Variants in NRG2 observed in about 807,000 individuals in gnomAD.
The protein encoded by NRG2 is pro-neuregulin-2, membrane-bound isoform.
Under a neutral mutation model 73.9 loss-of-function variants are expected in NRG2, and 27 were observed. That is an observed-to-expected ratio of 0.37 (90% CI 0.27 to 0.50). The LOEUF (loss-of-function observed/expected upper bound fraction) is 0.50. Ranked by LOEUF, NRG2 falls within the 20% of genes least tolerant of loss-of-function variation. The pLI, the probability that NRG2 is intolerant of heterozygous loss-of-function variation, is 0.96. For missense variants in NRG2, 1,126 were observed against 1,210.1 expected (o/e 0.93, Z 1.03); for synonymous variants, 532 against 541.0 (o/e 0.98, Z 0.23).
At chr5:139,931,003 T>C (rs968414289) in intron 1 of NRG2, among the ~76,000 whole-genome samples, 3 of 152,216 alleles carry the variant, frequency 2.0e-5, no homozygotes, top group South Asian at 2.1e-4. Flanking sequence ...TTGAGTGAGA[T>C]AGATCTGAGT....
intron 1 of NRG2, among the ~76,000 whole-genome samples, chr5:139,899,182 GCCCTCT>G (rs2127163227): frequency 6.6e-6 from 1 of 152,316 alleles, no homozygotes; most frequent in South Asian, 2.1e-4. Context: ...GAACTGACAG[GCCCTCT>G]ACAGGGCTCT....
At chr5:139,985,724 C>T (rs1332065737) in intron 1 of NRG2, among the ~76,000 whole-genome samples, 2 of 152,212 alleles carry the variant, frequency 1.3e-5, no homozygotes, top group African/African-American at 4.8e-5. Context: ...CTTGCCCAAG[C>T]AGTGTGAAAG....
At chr5:139,919,340 C>T (rs1751496042) in intron 1 of NRG2, among the ~76,000 whole-genome samples, 1 of 151,970 alleles carries the variant, frequency 6.6e-6, no homozygotes, top group Non-Finnish European at 1.5e-5. Flanking sequence ...TTCAAGGTTT[C>T]CTGAATCCTT....
At chr5:139,981,994 A>G (rs950537927) in intron 1 of NRG2, among the ~76,000 whole-genome samples, 1 of 152,238 alleles carries the variant, frequency 6.6e-6, no homozygotes, top group Non-Finnish European at 1.5e-5. Context: ...AGGCTGTGCC[A>G]GCATAGAGCA....
chr5:139,975,840 T>C (rs1756344789), intron 1 of NRG2, among the ~76,000 whole-genome samples: 1 of 152,232 alleles, frequency 6.6e-6, no homozygotes, highest in South Asian at 2.1e-4. Context: ...TGGTGCTTTC[T>C]AGATACTTGG....
intron 1 of NRG2, among the ~76,000 whole-genome samples, chr5:139,950,703 C>T (rs1044542057): frequency 6.6e-6 from 1 of 152,224 alleles, no homozygotes; most frequent in African/African-American, 2.4e-5. Context: ...CATATCCAAC[C>T]ACAAGGCTCC....
chr5:139,975,770 G>A (rs1756338508), intron 1 of NRG2, among the ~76,000 whole-genome samples: 1 of 152,166 alleles, frequency 6.6e-6, no homozygotes, highest in South Asian at 2.1e-4. Flanking sequence ...CCCTACCTCT[G>A]CCTCAGTCCA....
At chr5:139,964,286 T>C (rs1003133439) in intron 1 of NRG2, among the ~76,000 whole-genome samples, 5 of 152,182 alleles carry the variant, frequency 3.3e-5, no homozygotes, top group African/African-American at 1.2e-4. Flanking sequence ...TGGGACTTTA[T>C]GTATCTCCTT....
At chr5:139,999,389 G>A (rs761841479) in intron 1 of NRG2, among the ~76,000 whole-genome samples, 5 of 152,220 alleles carry the variant, frequency 3.3e-5, no homozygotes, top group African/African-American at 1.2e-4. Context: ...AGGTTCTATG[G>A]TGACTTAGCA....
In NRG2 at chr5:139,973,249, G is replaced by A. The variant is rs560537149; in HGVS notation, c.700+69121C>T. Reference sequence around the variant, plus strand: ...ACTAAATTTCTAATAATAAATAATTGATAAAATAAATTATGGTTGTATTTA... The same window carrying A: ...ACTAAATTTCTAATAATAAATAATTAATAAAATAAATTATGGTTGTATTTA... On this transcript the variant is annotated intron_variant, in intron 1 of 9. Coordinates refer to ENST00000361474, the MANE Select transcript of NRG2 (RefSeq NM_004883.3). 6.7e-5 allele frequency among the ~76,000 whole-genome samples: 10 copies of A among 148,846 alleles called. No homozygotes were observed. The South Asian group carries it at 1.9e-3, about 29-fold the overall frequency.
At chr5:140,021,892 G>A (rs187801348) in intron 1 of NRG2, among the ~76,000 whole-genome samples, 63 of 152,248 alleles carry the variant, frequency 4.1e-4, no homozygotes, top group Admixed American at 3.0e-3. Flanking sequence ...CCCAGCCCTC[G>A]GTTCTTTCCT....
rs1197561066 is a variant in NRG2, at chr5:139,851,830, G to A, written c.1546C>T (p.His516Tyr). Reference sequence around the variant, plus strand: ...TCCAGGCTCCACGTGTGGCTCTCGTGTCTGGGAAGGCCAGATGGGGTGAGA... The same window carrying A: ...TCCAGGCTCCACGTGTGGCTCTCGTATCTGGGAAGGCCAGATGGGGTGAGA... Reference protein sequence around the residue: ...STATPTSSHRHESHTWSLERS... With the variant: ...STATPTSSHRYESHTWSLERS... Residue 516 changes from histidine to tyrosine, a missense_variant and splice_region_variant, in exon 9 of 10, where the codon CAC becomes TAC. Transcript: ENST00000361474. This position sits in a 1 kb window ranked among gnomAD's most constrained non-coding sequence, Gnocchi z 4.2. 1.2e-6 allele frequency: 2 copies of A among 1,614,024 alleles called. No individual in the cohort carries two copies. The highest frequency in any genetic ancestry group is 3.3e-5 in the Admixed American group (2 of 60,014).
At chr5:139,893,561 G>A (rs894077992) in intron 1 of NRG2, among the ~76,000 whole-genome samples, 11 of 152,204 alleles carry the variant, frequency 7.2e-5, no homozygotes, top group Non-Finnish European at 1.3e-4. Context: ...AGACGAAAGG[G>A]GCAGGTGGCA....
chr5:139,848,419 G>A lies in NRG2; in HGVS notation c.2051C>T (p.Pro684Leu). 3.1e-6 allele frequency: 4 copies of A among 1,285,846 alleles called. No homozygotes were observed. The highest frequency in any genetic ancestry group is 3.9e-6 in the Non-Finnish European group (4 of 1,025,148). 79.7% of individuals were successfully genotyped at this position (1,285,846 alleles called of 1,614,324 possible). Reference sequence around the variant, plus strand: ...CGCGCAGGTCCCGCGCCGCGGTCCGGGCCCCGCCGCGGGGTAATAGTAGCT... The same window carrying A: ...CGCGCAGGTCCCGCGCCGCGGTCCGAGCCCCGCCGCGGGGTAATAGTAGCT... The part of the protein sequence containing the change: ...YDSYYYPAAG[P>L]GPRRGTCALG... Residue 684 changes from proline to leucine, a missense_variant, in exon 10 of 10, where the codon CCC becomes CTC. This residue lies in a region of NRG2 where 402 missense variants were observed against 357.8 expected (regional missense o/e 1.12). Transcript: ENST00000361474.
At chr5:139,890,063 C>T (rs1232299520) in intron 1 of NRG2, among the ~76,000 whole-genome samples, 4 of 152,050 alleles carry the variant, frequency 2.6e-5, no homozygotes, top group Non-Finnish European at 4.4e-5. Flanking sequence ...CCAAATTGCC[C>T]TTTGGAAAGG....
intron 1 of NRG2, among the ~76,000 whole-genome samples, chr5:139,914,092 G>A (rs949344713): frequency 1.3e-5 from 2 of 152,116 alleles, no homozygotes; most frequent in African/African-American, 4.8e-5. Context: ...GGAGGTTGAG[G>A]CTGCTGTGAA....
chr5:139,930,041 A>AG (rs1361830748), intron 1 of NRG2, among the ~76,000 whole-genome samples: 1 of 152,202 alleles, frequency 6.6e-6, no homozygotes, highest in African/African-American at 2.4e-5. Flanking sequence ...TCAGCTTCAG[A>AG]GGGGGCTTCT....
At chr5:139,913,878 T>A (rs1751040522) in intron 1 of NRG2, among the ~76,000 whole-genome samples, 1 of 152,114 alleles carries the variant, frequency 6.6e-6, no homozygotes, top group Non-Finnish European at 1.5e-5. Context: ...TGGGGTCAGG[T>A]GCAGTGGCTC....
At chr5:139,952,621 C>T (rs4440417) in intron 1 of NRG2, among the ~76,000 whole-genome samples, 8,812 of 152,266 alleles carry the variant, frequency 0.058, 308 homozygotes, top group Middle Eastern at 0.12. Flanking sequence ...TACATACCTC[C>T]GCAGATGTGT....
Sources: gnomAD v4.1 joint callset for allele counts (sites outside exome capture counted in the v4.1 genomes callset) on GRCh38, gnomAD v4.1.1 for gene constraint, gnomAD v4.1.1 regional missense constraint, Gnocchi (gnomAD v3.1) non-coding constraint, MANE v1.5 for transcripts, NCBI Gene and HGNC (gene_info 2026-07-23, HGNC 2026-07-21) for gene names.